The following KIF13A variants were observed in gnomAD, a reference collection of about 807,000 sequenced individuals.
KIF13A encodes the protein kinesin-like protein KIF13A.
KIF13A carries 79 observed loss-of-function variants against 212.2 expected under a neutral mutation model. The observed-to-expected ratio is 0.37, with a 90% CI of 0.31 to 0.45. KIF13A has a LOEUF of 0.45. KIF13A is among the 20% of genes least tolerant of loss of function. The pLI, the probability that KIF13A is intolerant of heterozygous loss-of-function variation, is 1.00. For missense variants in KIF13A, 1,901 were observed against 2,209.0 expected, an observed-to-expected ratio of 0.86 and a Z score of 2.79; for synonymous variants, 789 against 808.6, an observed-to-expected ratio of 0.98 and a Z score of 0.41.
intron 34 of KIF13A, among the ~76,000 whole-genome samples, chr6:17,775,602 G>A (rs977228157): frequency 2.0e-5 from 3 of 152,180 alleles, no homozygotes; most frequent in African/African-American, 4.8e-5. Context: ...AACGAGCATA[G>A]TAATAGTCAT....
rs554678904 is a variant in KIF13A at position 17,968,654 on chromosome 6, T to A, written c.146+18400A>T. Among the ~76,000 whole-genome samples the A allele has an allele frequency of 2.0e-5, 3 of 152,354 alleles. No individual in the cohort carries two copies. The highest frequency in any genetic ancestry group is 7.2e-5 in the African/African-American group (3 of 41,586). ...ACTTTGTCAAAGACTGGTGACCTCC[T>A]GGCTGGACCAACCATTACTTATCTC... is the stretch of plus-strand genomic sequence containing the variant. On this transcript the variant is annotated intron_variant, in intron 2 of 38. Coordinates refer to ENST00000259711, the MANE Select transcript of KIF13A (RefSeq NM_022113.6). The surrounding 1 kb of genome is among the most constrained non-coding windows in gnomAD (Gnocchi z 4.7).
chr6:17,898,061 G>C lies in KIF13A; in HGVS notation c.159+107C>G. 1 of 1,013,012 alleles carries C rather than the reference G, an allele frequency of 9.9e-7. No individual in the cohort carries two copies. The highest frequency in any genetic ancestry group is 1.5e-6 in the Non-Finnish European group (1 of 679,050). The allele number at this position is 1,013,012 out of a possible 1,614,324, so 62.8% of individuals were successfully genotyped here. The stretch of plus-strand genomic sequence containing the variant: ...GATGTGAGTTTTAAATTAGGATGCT[G>C]TTTTCAGTTCTCAATGAGACAGATG... On this transcript the variant is annotated intron_variant, in intron 3 of 38. Coordinates refer to ENST00000259711, the MANE Select transcript of KIF13A (RefSeq NM_022113.6). The surrounding 1 kb of genome is among the most constrained non-coding windows in gnomAD (Gnocchi z 5.2).
At chr6:17,976,430 G>T (rs1268342047) in intron 2 of KIF13A, among the ~76,000 whole-genome samples, 2 of 152,240 alleles carry the variant, frequency 1.3e-5, no homozygotes, top group Non-Finnish European at 2.9e-5. Context: ...GCTGGCCCGG[G>T]TGCTAAGCCC....
intron 16 of KIF13A, among the ~76,000 whole-genome samples, chr6:17,822,350 T>A (rs922403401): frequency 2.0e-5 from 3 of 152,112 alleles, no homozygotes; most frequent in African/African-American, 7.2e-5. Flanking sequence ...GCCATAAATA[T>A]GACTTCAATA....
chr6:17,960,922 G>A (rs767651163), intron 2 of KIF13A, among the ~76,000 whole-genome samples: 1 of 152,058 alleles, frequency 6.6e-6, no homozygotes, highest in South Asian at 2.1e-4. Flanking sequence ...ATTGAGTACC[G>A]AACACTGCAC....
rs565172507 is a variant in KIF13A, at chr6:17,886,404, G to A, written c.159+11764C>T. On this transcript the variant is annotated intron_variant, in intron 3 of 38. Transcript: ENST00000259711. The surrounding 1 kb of genome is among the most constrained non-coding windows in gnomAD (Gnocchi z 5.6). Reference sequence around the variant, plus strand: ...AAACATTTACTCCCAGTTAAGTTACGCTGCAAAGGACTGATGAAGAGTTCA... The same window carrying A: ...AAACATTTACTCCCAGTTAAGTTACACTGCAAAGGACTGATGAAGAGTTCA... Among the ~76,000 whole-genome samples, 2 of 152,178 alleles carry A rather than the reference G, an allele frequency of 1.3e-5. No individual in the cohort carries two copies. Among genetic ancestry groups the A allele is most frequent in the East Asian group, 1.9e-4 (1 of 5,190 alleles).
intron 19 of KIF13A, among the ~76,000 whole-genome samples, chr6:17,805,230 T>A (rs547255078): frequency 7.2e-5 from 11 of 152,296 alleles, no homozygotes; most frequent in Non-Finnish European, 1.5e-4. Flanking sequence ...CAAATAAGAA[T>A]CTACTATATG....
intron 2 of KIF13A, among the ~76,000 whole-genome samples, chr6:17,978,483 T>G (rs905963748): frequency 1.3e-5 from 2 of 152,222 alleles, no homozygotes; most frequent in Non-Finnish European, 2.9e-5. Flanking sequence ...CCTTTGTTGA[T>G]AGCTCTGACA....
intron 25 of KIF13A, among the ~76,000 whole-genome samples, chr6:17,791,918 A>G (rs1761598604): frequency 6.7e-6 from 1 of 149,328 alleles, no homozygotes; most frequent in Non-Finnish European, 1.5e-5. Flanking sequence ...AAAAAAAAAA[A>G]AAGTACTGAG....
rs370736619 is a variant in KIF13A at position 17,780,768 on chromosome 6, A to G, written c.3808T>C (p.Leu1270=). Reference sequence around the variant, plus strand: ...ATATTGGCTGCAATTCGTTTTCGTAATACTAACTCCATAGCAGCAGGGTGG... The same window carrying G: ...ATATTGGCTGCAATTCGTTTTCGTAGTACTAACTCCATAGCAGCAGGGTGG... The part of the protein sequence containing the change: ...LSHPAAMELV[L]RKRIAANIYN... The change falls in exon 31 of 39, where the codon TTA becomes CTA. Residue 1270 remains leucine, a synonymous_variant. Coordinates refer to ENST00000259711, the MANE Select transcript of KIF13A (RefSeq NM_022113.6). 8 of 1,613,922 alleles carry G rather than the reference A, an allele frequency of 5.0e-6. No homozygotes were observed. In the African/African-American group the frequency reaches 1.1e-4, roughly 22 times the overall value.
At chr6:17,960,913 T>C (rs530516116) in intron 2 of KIF13A, among the ~76,000 whole-genome samples, 2 of 152,288 alleles carry the variant, frequency 1.3e-5, no homozygotes, top group Non-Finnish European at 2.9e-5. Context: ...TGAGCACGAA[T>C]TGAGTACCGA....
At chr6:17,831,568 T>C (rs1730660513) in intron 12 of KIF13A, among the ~76,000 whole-genome samples, 1 of 151,502 alleles carries the variant, frequency 6.6e-6, no homozygotes, top group South Asian at 2.1e-4. Flanking sequence ...AGAGACATCA[T>C]GATGGGTTAA....
intron 2 of KIF13A, among the ~76,000 whole-genome samples, chr6:17,913,362 T>C (rs1477434768): frequency 6.6e-6 from 1 of 152,172 alleles, no homozygotes. Flanking sequence ...GTTGAGTATT[T>C]TTCTTTTCAA....
intron 17 of KIF13A, among the ~76,000 whole-genome samples, chr6:17,813,101 A>T (rs960279326): frequency 2.0e-5 from 3 of 152,238 alleles, no homozygotes; most frequent in Non-Finnish European, 4.4e-5. Flanking sequence ...CCACCAGCTC[A>T]TAGTAAATGT....
chr6:17,768,977 A>G lies in KIF13A; in HGVS notation c.4581+2137T>C, dbSNP rs929086259. On this transcript the variant is annotated intron_variant, in intron 38 of 38. Transcript: ENST00000259711. The surrounding 1 kb of genome is among the most constrained non-coding windows in gnomAD (Gnocchi z 5.4). ...AGAATCAAGCATAGCCATGTTTACT[A>G]TATTTTATGTGAAATTACAGAAGTT... Among the ~76,000 whole-genome samples the G allele has an allele frequency of 6.7e-6, 1 of 150,136 alleles. No homozygotes were observed. The highest frequency in any genetic ancestry group is 6.6e-5 in the Admixed American group (1 of 15,138).
rs918626864 is a variant in KIF13A, at chr6:17,855,781, A to G, written c.314-164T>C. On this transcript the variant is annotated intron_variant, in intron 5 of 38. Transcript: ENST00000259711. The surrounding 1 kb of genome is among the most constrained non-coding windows in gnomAD (Gnocchi z 4.1). ...CAGGCTGGAGTGCAGTGGTGTGATCATGGCTCACTACAGTCTCAAACTCCT... is the reference window on the plus strand; with the variant it reads ...CAGGCTGGAGTGCAGTGGTGTGATCGTGGCTCACTACAGTCTCAAACTCCT... Among the ~76,000 whole-genome samples, 4 of 152,164 alleles carry G rather than the reference A, an allele frequency of 2.6e-5. No homozygotes were observed. Among genetic ancestry groups the G allele is most frequent in the Non-Finnish European group, 5.9e-5 (4 of 68,014 alleles).
At chr6:17,846,041 C>CTTTTTTTTTT (rs34232861) in intron 9 of KIF13A, among the ~76,000 whole-genome samples, 6 of 83,264 alleles carry the variant, frequency 7.2e-5, no homozygotes, top group South Asian at 5.1e-4. Context: ...GGAACTCAAC[C>CTTTTTTTTTT]TTTTTTTTTT....
chr6:17,897,504 C>T lies in KIF13A; in HGVS notation c.159+664G>A, dbSNP rs1054646509. Among the ~76,000 whole-genome samples, 1 of 152,180 alleles carries T rather than the reference C, an allele frequency of 6.6e-6. No homozygotes were observed. The highest frequency in any genetic ancestry group is 2.4e-5 in the African/African-American group (1 of 41,434). On this transcript the variant is annotated intron_variant, in intron 3 of 38. Coordinates refer to ENST00000259711, the MANE Select transcript of KIF13A (RefSeq NM_022113.6). This position sits in a 1 kb window ranked among gnomAD's most constrained non-coding sequence, Gnocchi z 4.8. ...AGATTCCTTACTTCTCATATTCCCC[C>T]ACTTCCCTCCTCTAACTATTCTCTA...
chr6:17,969,769 G>A (rs562394769), intron 2 of KIF13A, among the ~76,000 whole-genome samples: 1 of 152,020 alleles, frequency 6.6e-6, no homozygotes, highest in South Asian at 2.1e-4. Context: ...GAAATCTTTT[G>A]GTTTTTGGCA....
Sources: allele counts gnomAD v4.1 joint callset (sites outside exome capture counted in the v4.1 genomes callset), GRCh38; gene constraint gnomAD v4.1.1; non-coding constraint Gnocchi (gnomAD v3.1); transcripts MANE v1.5; gene names NCBI Gene and HGNC (gene_info 2026-07-23, HGNC 2026-07-21).